GPHN: variants seen among roughly 807,000 people sequenced by gnomAD.
GPHN encodes the protein gephyrin.
A neutral mutation model predicts 95.5 loss-of-function variants in GPHN; 17 were observed. That is an observed-to-expected ratio of 0.18 (90% CI 0.12 to 0.27). The LOEUF (loss-of-function observed/expected upper bound fraction) is 0.27, where lower values mean the gene tolerates loss of function less well. GPHN is among the 10% of genes least tolerant of loss of function. The pLI is 1.00. For synonymous variants in GPHN, 320 were observed against 322.5 expected, an observed-to-expected ratio of 0.99 and a Z score of 0.08; for missense variants, 660 against 978.1, an observed-to-expected ratio of 0.67 and a Z score of 4.34.
At chr14:66,621,862 C>A (rs1374785963) in intron 1 of GPHN, among the ~76,000 whole-genome samples, 2 of 152,164 alleles carry the variant, frequency 1.3e-5, no homozygotes, top group Non-Finnish European at 2.9e-5. Flanking sequence ...TCCATCCCAG[C>A]TGCTTTCATT....
the GPHN span, among the ~76,000 whole-genome samples, chr14:67,419,488 A>C: frequency 6.6e-6 from 1 of 152,208 alleles, no homozygotes; most frequent in Non-Finnish European, 1.5e-5. Flanking sequence ...CCGGAGGTGC[A>C]GTCTGCGTTC....
At chr14:67,222,360 G>A in the GPHN span, among the ~76,000 whole-genome samples, 1 of 152,126 alleles carries the variant, frequency 6.6e-6, no homozygotes, top group African/African-American at 2.4e-5. Flanking sequence ...GTGTGATCTT[G>A]CTCACTGCAA....
chr14:67,656,092 A>G, the GPHN span, among the ~76,000 whole-genome samples: 1 of 152,178 alleles, frequency 6.6e-6, no homozygotes, highest in African/African-American at 2.4e-5. Flanking sequence ...CTAAAAATAC[A>G]AACATTAGCT....
chr14:67,339,746 G>A, the GPHN span, among the ~76,000 whole-genome samples: 1 of 152,082 alleles, frequency 6.6e-6, no homozygotes, highest in Non-Finnish European at 1.5e-5. Context: ...CTGAATTCTA[G>A]TTTCTTCTCT....
At chr14:67,403,185 C>T in the GPHN span, among the ~76,000 whole-genome samples, 1 of 152,188 alleles carries the variant, frequency 6.6e-6, no homozygotes, top group Non-Finnish European at 1.5e-5. Context: ...GTGTTGAGCA[C>T]TTTTTCGTAG....
Position 66,508,538 on chromosome 14 carries a change from A to C in GPHN, c.11A>C (p.Glu4Ala). 6.2e-7 allele frequency: 1 copy of C among 1,614,040 alleles called. No individual in the cohort carries two copies. Among genetic ancestry groups the C allele is most frequent in the Non-Finnish European group, 8.5e-7 (1 of 1,179,908 alleles). The change falls in exon 1 of 23, where the codon GAG becomes GCG. Residue 4 changes from glutamate (E) to alanine (A), a missense_variant. Around this residue, in one of 6 missense-constraint regions of GPHN, gnomAD observed 92 missense variants for 91.9 expected, o/e 1.00. Coordinates refer to ENST00000478722, the MANE Select transcript of GPHN (RefSeq NM_020806.5). The stretch of plus-strand genomic sequence containing the variant: ...ACTGCGCTGGGAAACATGGCGACCG[A>C]GGGAATGATCCTTACTAACCACGAC... The part of the protein sequence containing the change: MAT[E>A]GMILTNHDHQ...
chr14:67,116,677 C>G (rs1054304230), intron 16 of GPHN, among the ~76,000 whole-genome samples: 1 of 152,138 alleles, frequency 6.6e-6, no homozygotes, highest in South Asian at 2.1e-4. Flanking sequence ...GCTACCATAG[C>G]CACTTCACAG....
chr14:67,348,794 A>T, the GPHN span: 6 of 380,610 alleles, frequency 1.6e-5, no homozygotes, highest in East Asian at 3.0e-4. Context: ...TGCTGGGATT[A>T]CAGGCATGAG....
chr14:67,009,274 C>T (rs547884976), intron 9 of GPHN, among the ~76,000 whole-genome samples: 180 of 152,126 alleles, frequency 1.2e-3, no homozygotes, highest in Non-Finnish European at 2.0e-3. Flanking sequence ...TTCAAAGGAA[C>T]AAAATGAGCT....
chr14:67,735,141 G>C, the GPHN span: 1 of 851,832 alleles, frequency 1.2e-6, no homozygotes, highest in African/African-American at 1.7e-5. Flanking sequence ...GTGTTGATTC[G>C]ACATGTTGTT....
chr14:67,203,552 C>A, the GPHN span, among the ~76,000 whole-genome samples: 14 of 152,326 alleles, frequency 9.2e-5, no homozygotes, highest in Non-Finnish European at 1.9e-4. Context: ...CTTTCTAGAA[C>A]ATGCCTCCTC....
intron 12 of GPHN, among the ~76,000 whole-genome samples, chr14:67,091,445 T>G (rs2153670304): frequency 6.6e-6 from 1 of 152,078 alleles, no homozygotes; most frequent in African/African-American, 2.4e-5. Flanking sequence ...ATCTAAAAAG[T>G]AAATTCTGTG....
At chr14:66,713,062 C>G (rs1322351469) in intron 2 of GPHN, among the ~76,000 whole-genome samples, 4 of 151,990 alleles carry the variant, frequency 2.6e-5, no homozygotes, top group African/African-American at 7.2e-5. Flanking sequence ...AGTTCTTTGT[C>G]AGATGTATAG....
At chr14:66,927,342 C>A (rs1392265261) in intron 8 of GPHN, among the ~76,000 whole-genome samples, 1 of 134,596 alleles carries the variant, frequency 7.4e-6, no homozygotes, top group Admixed American at 7.3e-5. Context: ...GAGCAAGACT[C>A]CATCTCAAAA....
intron 1 of GPHN, among the ~76,000 whole-genome samples, chr14:66,545,889 G>A (rs1417471935): frequency 2.6e-5 from 4 of 151,502 alleles, no homozygotes; most frequent in African/African-American, 9.7e-5. Flanking sequence ...CCTCCTGGAC[G>A]GGGCGGCTGG....
At chr14:67,308,528 A>G in the GPHN span, among the ~76,000 whole-genome samples, 3 of 149,632 alleles carry the variant, frequency 2.0e-5, no homozygotes, top group Non-Finnish European at 4.4e-5. Context: ...AGCACTCTCC[A>G]AATATTTTTT....
At chr14:67,480,304 G>A in the GPHN span, among the ~76,000 whole-genome samples, 3 of 151,992 alleles carry the variant, frequency 2.0e-5, no homozygotes, top group Admixed American at 6.6e-5. Context: ...CCAAGCTAGC[G>A]AGCCAAGAAA....
In GPHN at chr14:67,095,529, C is replaced by CA. The variant is rs1425665600; in HGVS notation, c.1238-5324dup. Among the ~76,000 whole-genome samples the CA allele has an allele frequency of 7.2e-5, 11 of 152,154 alleles. No individual in the cohort carries two copies. In the East Asian group the frequency reaches 2.1e-3, roughly 29 times the overall value. Reference sequence around the variant, plus strand: ...CAATAGCAAAGACTTGGAACCAAGCCAAATGTCCAACAATGATAGACTGGA... The same window carrying CA: ...CAATAGCAAAGACTTGGAACCAAGCCAAAATGTCCAACAATGATAGACTGGA... On this transcript the variant is annotated intron_variant, in intron 12 of 22. Transcript: ENST00000478722.
chr14:67,450,797 A>C, the GPHN span, among the ~76,000 whole-genome samples: 1 of 152,256 alleles, frequency 6.6e-6, no homozygotes, highest in Non-Finnish European at 1.5e-5. Context: ...TTCTCTGAGG[A>C]GAAATTCAAG....
Sources: allele counts gnomAD v4.1 joint callset (sites outside exome capture counted in the v4.1 genomes callset), GRCh38; gene constraint gnomAD v4.1.1; regional missense constraint gnomAD v4.1.1; transcripts MANE v1.5; gene names NCBI Gene and HGNC (gene_info 2026-07-23, HGNC 2026-07-21).